The following KAZN variants were observed in gnomAD, a reference collection of about 807,000 sequenced individuals.
The protein encoded by KAZN is kazrin.
A neutral mutation model predicts 87.4 loss-of-function variants in KAZN; 40 were observed. That is an observed-to-expected ratio of 0.46 (90% CI 0.36 to 0.60). KAZN has a LOEUF of 0.60. KAZN is among the 20% of genes least tolerant of loss of function. KAZN has a pLI of 0.00. For missense variants in KAZN, 898 were observed against 1,073.9 expected (o/e 0.84, Z 2.29); for synonymous variants, 466 against 458.3 (o/e 1.02, Z -0.22).
chr1:14,990,075 C>A (rs1200006481), intron 2 of KAZN, among the ~76,000 whole-genome samples: 1 of 152,142 alleles, frequency 6.6e-6, no homozygotes, highest in Non-Finnish European at 1.5e-5. Flanking sequence ...CTGCTCAAAG[C>A]CACACAGCCG....
In KAZN at chr1:14,814,920, T is replaced by C. The variant is rs1196169354; in HGVS notation, c.227-145764T>C. Among the ~76,000 whole-genome samples the C allele has an allele frequency of 3.3e-5, 5 of 152,308 alleles. No individual in the cohort carries two copies. In the East Asian group the frequency reaches 7.7e-4, roughly 24 times the overall value. On this transcript the variant is annotated intron_variant, in intron 1 of 14. Transcript: ENST00000376030. ...GCTGGAGATGATTAATAATACCTCGTTCAGGGGTCATGTTGAGAATTAAAC... is the reference window on the plus strand; with the variant it reads ...GCTGGAGATGATTAATAATACCTCGCTCAGGGGTCATGTTGAGAATTAAAC...
chr1:15,110,220 T>C (rs1235929621), intron 13 of KAZN, among the ~76,000 whole-genome samples: 1 of 109,570 alleles, frequency 9.1e-6, no homozygotes, highest in Non-Finnish European at 2.3e-5. Flanking sequence ...TGTTTGTGTG[T>C]GTTTGTGTAT....
intron 1 of KAZN, among the ~76,000 whole-genome samples, chr1:14,152,502 T>G (rs904551608): frequency 1.3e-5 from 2 of 152,200 alleles, no homozygotes; most frequent in Non-Finnish European, 2.9e-5. Flanking sequence ...CCATCCAAGT[T>G]CTTGCAAATG....
chr1:15,057,362 G>T (rs2100498176), intron 5 of KAZN, among the ~76,000 whole-genome samples: 1 of 152,388 alleles, frequency 6.6e-6, no homozygotes, highest in Middle Eastern at 3.4e-3. Context: ...ACTTCATGGA[G>T]CTGTCGTGAA....
chr1:14,663,177 A>T (rs1022150521), intron 1 of KAZN, among the ~76,000 whole-genome samples: 1 of 151,824 alleles, frequency 6.6e-6, no homozygotes, highest in African/African-American at 2.4e-5. Flanking sequence ...GAATCTCACC[A>T]TGTTGTCCAG....
intron 2 of KAZN, among the ~76,000 whole-genome samples, chr1:14,558,662 G>A (rs1674064720): frequency 6.6e-6 from 1 of 152,168 alleles, no homozygotes; most frequent in Non-Finnish European, 1.5e-5. Context: ...ACAGTAGCAT[G>A]TGGGCTTGTG....
intron 2 of KAZN, among the ~76,000 whole-genome samples, chr1:14,419,906 T>A (rs761003720): frequency 6.6e-6 from 1 of 151,994 alleles, no homozygotes; most frequent in South Asian, 2.1e-4. Flanking sequence ...CGAGCAACAA[T>A]GGGATTTATT....
chr1:14,384,863 A>G (rs1234061830), intron 2 of KAZN, among the ~76,000 whole-genome samples: 18 of 151,820 alleles, frequency 1.2e-4, no homozygotes, highest in South Asian at 2.1e-4. Flanking sequence ...CTCTTTTTCT[A>G]TTGATTGGAA....
chr1:14,126,619 C>A (rs1644874789), intron 1 of KAZN, among the ~76,000 whole-genome samples: 1 of 138,036 alleles, frequency 7.2e-6, no homozygotes. Context: ...TTTACAAATG[C>A]AAAAGTATGA....
At chr1:14,117,420 C>A (rs142381061) in intron 1 of KAZN, among the ~76,000 whole-genome samples, 4 of 152,176 alleles carry the variant, frequency 2.6e-5, no homozygotes, top group African/African-American at 9.7e-5. Context: ...GTGAGACATG[C>A]CTTTCACCTT....
chr1:14,931,336 C>G lies in KAZN; in HGVS notation c.227-29348C>G, dbSNP rs188465286. On this transcript the variant is annotated intron_variant, in intron 1 of 14. Transcript: ENST00000376030. Reference sequence around the variant, plus strand: ...GCGCATGCCTGTAGTCCCAGCTACTCGGAAGGCTGAGGAAGGAAAATTGAT... The same window carrying G: ...GCGCATGCCTGTAGTCCCAGCTACTGGGAAGGCTGAGGAAGGAAAATTGAT... 2.6e-3 allele frequency among the ~76,000 whole-genome samples: 397 copies of G among 151,856 alleles called. 2 individuals carry two copies. The highest frequency in any genetic ancestry group is 0.01 in the Middle Eastern group (3 of 292).
chr1:14,175,092 T>C (rs1219687102), intron 1 of KAZN, among the ~76,000 whole-genome samples: 1 of 152,112 alleles, frequency 6.6e-6, no homozygotes, highest in Non-Finnish European at 1.5e-5. Context: ...CAATCTACCA[T>C]GGATGGGTTT....
At chr1:14,534,559 CA>C (rs1262275792) in intron 2 of KAZN, among the ~76,000 whole-genome samples, 2 of 152,116 alleles carry the variant, frequency 1.3e-5, no homozygotes, top group African/African-American at 4.8e-5. Context: ...GCAGGAGAAT[CA>C]CTTGAACCCA....
chr1:14,919,086 T>C (rs977048282), intron 1 of KAZN, among the ~76,000 whole-genome samples: 3 of 152,162 alleles, frequency 2.0e-5, no homozygotes, highest in African/African-American at 7.2e-5. Context: ...GCAAGTCAAC[T>C]GCAGTGGGCA....
intron 1 of KAZN, among the ~76,000 whole-genome samples, chr1:14,134,969 GCACACACACA>G (rs35930772): frequency 2.8e-3 from 278 of 99,070 alleles, no homozygotes; most frequent in African/African-American, 0.011. Context: ...ATATGCACCC[GCACACACACA>G]CACACACACA....
At chr1:15,103,541 A>C in intron 12 of KAZN, 81 bp downstream of exon 12, 1 of 888,460 alleles carries the variant, frequency 1.1e-6, no homozygotes, top group South Asian at 1.4e-5. Flanking sequence ...CAATATGCAA[A>C]TCACATGCAA....
At chr1:14,067,458 C>G (rs940508203) in intron 1 of KAZN, among the ~76,000 whole-genome samples, 1 of 152,158 alleles carries the variant, frequency 6.6e-6, no homozygotes, top group Non-Finnish European at 1.5e-5. Flanking sequence ...CCAACCAGCC[C>G]CTACCCCAGA....
chr1:14,039,511 G>A (rs573485692), intron 1 of KAZN, among the ~76,000 whole-genome samples: 73 of 152,218 alleles, frequency 4.8e-4, no homozygotes, highest in Non-Finnish European at 8.4e-4. Flanking sequence ...GTCGGCAGTG[G>A]GCTTTGAGTG....
intron 1 of KAZN, among the ~76,000 whole-genome samples, chr1:14,157,516 G>GT (rs1485375607): frequency 6.6e-6 from 1 of 152,156 alleles, no homozygotes. Context: ...TAGGGTAAAA[G>GT]TTTTTTCCTT....
Sources: allele counts gnomAD v4.1 joint callset (sites outside exome capture counted in the v4.1 genomes callset), GRCh38; gene constraint gnomAD v4.1.1; transcripts MANE v1.5; gene names NCBI Gene and HGNC (gene_info 2026-07-23, HGNC 2026-07-21).